The following NAV2 variants were observed in gnomAD, a reference collection of about 807,000 sequenced individuals.
The protein encoded by NAV2 is neuron navigator 2.
NAV2 carries 54 observed loss-of-function variants against 223.2 expected under a neutral mutation model. The observed-to-expected ratio is 0.24, with a 90% CI of 0.19 to 0.30. The LOEUF is 0.30. Ranked by LOEUF, NAV2 falls within the 10% of genes least tolerant of loss-of-function variation. The probability of loss-of-function intolerance (pLI) is 1.00; values close to 1 mark genes in which losing one functional copy is unlikely to be tolerated. For synonymous variants in NAV2, 1,279 were observed against 1,239.3 expected, an observed-to-expected ratio of 1.03 and a Z score of -0.67; for missense variants, 2,806 against 3,147.5, an observed-to-expected ratio of 0.89 and a Z score of 2.60.
chr11:20,023,125 C>T, intron 11 of NAV2: 3 of 1,551,820 alleles, frequency 1.9e-6, no homozygotes, highest in South Asian at 2.4e-5. Context: ...GCCTAGGAAC[C>T]TTACAAGGTA....
At chr11:19,961,337 GC>G (rs1321749717) in intron 10 of NAV2, among the ~76,000 whole-genome samples, 1 of 152,160 alleles carries the variant, frequency 6.6e-6, no homozygotes, top group Non-Finnish European at 1.5e-5. Flanking sequence ...CTACAGAGTG[GC>G]TCAACAGATT....
intron 11 of NAV2, among the ~76,000 whole-genome samples, chr11:20,010,559 T>C (rs1255291256): frequency 6.6e-6 from 1 of 152,188 alleles, no homozygotes; most frequent in Non-Finnish European, 1.5e-5. Flanking sequence ...TCTCTGTCTC[T>C]TGGATTCCAA....
intron 1 of NAV2, among the ~76,000 whole-genome samples, chr11:19,744,163 C>A (rs180816246): frequency 2.4e-4 from 36 of 152,326 alleles, no homozygotes; most frequent in African/African-American, 7.9e-4. Context: ...GAAGTGGGAG[C>A]TTGGTTTTAA....
At chr11:19,677,493 C>T (rs1017904819) in intron 1 of NAV2, among the ~76,000 whole-genome samples, 3 of 152,204 alleles carry the variant, frequency 2.0e-5, no homozygotes, top group Admixed American at 2.0e-4. Flanking sequence ...AGACTGAGGC[C>T]CAGAGAGGGT....
intron 1 of NAV2, among the ~76,000 whole-genome samples, chr11:19,625,590 T>C (rs1190382368): frequency 1.3e-5 from 2 of 152,240 alleles, no homozygotes; most frequent in Non-Finnish European, 2.9e-5. Context: ...TGCTGAATCA[T>C]ATGGTTGTTC....
intron 1 of NAV2, among the ~76,000 whole-genome samples, chr11:19,398,675 G>C (rs4300373): frequency 0.37 from 56,821 of 151,886 alleles, 10,885 homozygotes; most frequent in East Asian, 0.53. Context: ...ATTTCCTGAA[G>C]CTCAGTTTCC....
In NAV2 at chr11:20,078,028, G is replaced by A; in HGVS notation, c.5103G>A (p.Glu1701=). 6.2e-7 allele frequency: 1 copy of A among 1,613,228 alleles called. No homozygotes were observed. The highest frequency in any genetic ancestry group is 8.5e-7 in the Non-Finnish European group (1 of 1,179,776). ...SELNELRKTI[E]LLKKQNAAAQ... is the part of the protein sequence containing the mutation. ...TGAATGAGTTAAGAAAAACCATTGA[G>A]CTGCTAAAGAAACAGAACGCAGCTG... Residue 1701 remains glutamate (E), a synonymous_variant, in exon 24 of 38, where the codon GAG becomes GAA. Transcript: ENST00000349880.
chr11:19,927,710 A>AAACAG (rs1227473281), intron 6 of NAV2, among the ~76,000 whole-genome samples: 5 of 151,134 alleles, frequency 3.3e-5, no homozygotes, highest in Non-Finnish European at 7.4e-5. Context: ...AAACAAAACA[A>AAACAG]AACAAAAAAA....
intron 1 of NAV2, among the ~76,000 whole-genome samples, chr11:19,537,007 TA>T (rs1483241719): frequency 2.0e-5 from 3 of 152,298 alleles, no homozygotes; most frequent in South Asian, 2.1e-4. Context: ...TTTTGATTAA[TA>T]AAAAATAGAG....
intron 6 of NAV2, among the ~76,000 whole-genome samples, chr11:19,898,297 A>G (rs921546973): frequency 1.3e-5 from 2 of 152,328 alleles, no homozygotes; most frequent in African/African-American, 4.8e-5. Context: ...AGAACCCTAC[A>G]TAGCCCCACC....
intron 10 of NAV2, among the ~76,000 whole-genome samples, chr11:19,957,915 A>G (rs763777159): frequency 1.2e-4 from 18 of 152,154 alleles, no homozygotes; most frequent in Non-Finnish European, 2.4e-4. Flanking sequence ...GAGAAAAAAA[A>G]ATAAATGGGT....
intron 1 of NAV2, among the ~76,000 whole-genome samples, chr11:19,379,739 C>G (rs12225542): frequency 0.11 from 16,699 of 152,224 alleles, 1,123 homozygotes; most frequent in South Asian, 0.19. Flanking sequence ...AGACTGCCTG[C>G]TTTCCTTGGC....
chr11:19,437,836 C>T (rs1286686876), intron 1 of NAV2, among the ~76,000 whole-genome samples: 3 of 152,170 alleles, frequency 2.0e-5, no homozygotes, highest in Admixed American at 2.0e-4. Context: ...ATTGTGCAAG[C>T]ATAAAAAAGA....
At chr11:20,001,202 G>A (rs1466606370) in intron 11 of NAV2, among the ~76,000 whole-genome samples, 1 of 152,088 alleles carries the variant, frequency 6.6e-6, no homozygotes, top group Non-Finnish European at 1.5e-5. Context: ...TTCTTTGCCA[G>A]GCTAACACAT....
rs186201599 is a variant in NAV2 at position 19,916,046 on chromosome 11, G to A, written c.932-17130G>A. 3.7e-4 allele frequency among the ~76,000 whole-genome samples: 57 copies of A among 152,280 alleles called. No individual in the cohort carries two copies. In the East Asian group the frequency reaches 0.01, roughly 27 times the overall value. On this transcript the variant is annotated intron_variant, in intron 6 of 37. Coordinates refer to ENST00000349880, the MANE Select transcript of NAV2 (RefSeq NM_145117.5). ...GGGGTATAGCAGTATCTACTTCATAGGGTTATTGTGAGGAGTAAATTAGGT... is the reference window on the plus strand; with the variant it reads ...GGGGTATAGCAGTATCTACTTCATAAGGTTATTGTGAGGAGTAAATTAGGT...
chr11:19,781,968 A>T (rs1411060179), intron 1 of NAV2, among the ~76,000 whole-genome samples: 2 of 152,016 alleles, frequency 1.3e-5, no homozygotes, highest in Non-Finnish European at 2.9e-5. Flanking sequence ...TTTTTTCCTG[A>T]CTAAAGCTCA....
intron 1 of NAV2, among the ~76,000 whole-genome samples, chr11:19,638,302 A>G (rs970548516): frequency 2.6e-5 from 4 of 152,220 alleles, no homozygotes; most frequent in Non-Finnish European, 5.9e-5. Flanking sequence ...GAACAGTAGT[A>G]AGTAAAACCC....
chr11:20,049,859 G>C lies in NAV2; in HGVS notation c.4394G>C (p.Ser1465Thr). The change falls in exon 16 of 38, where the codon AGC (serine) becomes ACC (threonine). Residue 1465 changes from serine to threonine, a missense_variant. Ser to Thr is a moderately conservative substitution (Grantham distance 58, BLOSUM62 1). Around this residue, in one of 4 missense-constraint regions of NAV2, gnomAD observed 742 missense variants for 777.9 expected, o/e 0.95. Transcript: ENST00000349880. ...AGCCCTCTCTCTTCCCCTGCTGCTAGCCCTAAGTTCTGCAGAAGTACTCTG... is the reference window on the plus strand; with the variant it reads ...AGCCCTCTCTCTTCCCCTGCTGCTACCCCTAAGTTCTGCAGAAGTACTCTG... ...SESPLSSPAA[S>T]PKFCRSTLPR... 1 of 1,614,126 alleles carries C rather than the reference G, an allele frequency of 6.2e-7. No homozygotes were observed. Among genetic ancestry groups the C allele is most frequent in the Non-Finnish European group, 8.5e-7 (1 of 1,180,030 alleles).
At chr11:19,910,553 G>A (rs1322042888) in intron 6 of NAV2, among the ~76,000 whole-genome samples, 1 of 152,170 alleles carries the variant, frequency 6.6e-6, no homozygotes, top group Non-Finnish European at 1.5e-5. Flanking sequence ...TGACATATCA[G>A]CATGTTAAGA....
Sources: allele counts gnomAD v4.1 joint callset (sites outside exome capture counted in the v4.1 genomes callset), GRCh38; gene constraint gnomAD v4.1.1; regional missense constraint gnomAD v4.1.1; transcripts MANE v1.5; gene names NCBI Gene and HGNC (gene_info 2026-07-23, HGNC 2026-07-21).